Variants in CCDC171 observed in about 807,000 individuals in gnomAD.
CCDC171 encodes coiled-coil domain-containing protein 171.
Under a neutral mutation model 168.2 loss-of-function variants are expected in CCDC171, and 177 were observed. The observed-to-expected ratio is 1.05, with a 90% CI of 0.93 to 1.19. The LOEUF (loss-of-function observed/expected upper bound fraction) is 1.19, where lower values mean the gene tolerates loss of function less well. CCDC171 is among the 50% of genes most tolerant of loss of function. The probability of loss-of-function intolerance (pLI) is 0.00; values close to 1 mark genes in which losing one functional copy is unlikely to be tolerated. For synonymous variants in CCDC171, 687 were observed against 540.8 expected (o/e 1.27, Z -3.75); for missense variants, 1,991 against 1,539.0 (o/e 1.29, Z -4.91).
rs150311852 is a variant in CCDC171, at chr9:15,994,591, A to G, written n.369-25998A>G. 1.9e-4 allele frequency among the ~76,000 whole-genome samples: 29 copies of G among 152,308 alleles called. 4 individuals are homozygous for G. Among genetic ancestry groups the G allele is most frequent in the African/African-American group, 6.5e-4 (27 of 41,550 alleles). The stretch of plus-strand genomic sequence containing the variant: ...CTAGAACTTAAAGTATATATAAAAA[A>G]AAGTTTCTCTTAGATTTTATAAATG... On this transcript the variant is annotated intron_variant and non_coding_transcript_variant, in intron 3 of 9. Transcript: ENST00000486641.
chr9:16,025,991 CAA>C (rs1454160181), intron 6 of CCDC171, among the ~76,000 whole-genome samples: 1 of 152,186 alleles, frequency 6.6e-6, no homozygotes, highest in Non-Finnish European at 1.5e-5. Context: ...CAGTCCCAGG[CAA>C]AGTGGGATGA....
intron 13 of CCDC171, among the ~76,000 whole-genome samples, chr9:15,724,013 A>G (rs1397016389): frequency 6.6e-6 from 1 of 152,222 alleles, no homozygotes; most frequent in Non-Finnish European, 1.5e-5. Context: ...TGAGATTCAA[A>G]TAATTATTTA....
At chr9:15,990,253 A>C (rs1832142690) in intron 3 of CCDC171, among the ~76,000 whole-genome samples, 1 of 151,842 alleles carries the variant, frequency 6.6e-6, no homozygotes, top group South Asian at 2.1e-4. Context: ...TACAAGCCAG[A>C]AGAGAAGTGG....
At chr9:16,013,568 C>T (rs1832933838) in intron 3 of CCDC171, among the ~76,000 whole-genome samples, 1 of 152,180 alleles carries the variant, frequency 6.6e-6, no homozygotes, top group African/African-American at 2.4e-5. Context: ...GCTCCAATGC[C>T]TACGGGGCAA....
intron 6 of CCDC171, among the ~76,000 whole-genome samples, chr9:15,596,303 T>C (rs1184260417): frequency 1.3e-5 from 2 of 152,128 alleles, no homozygotes; most frequent in East Asian, 1.9e-4. Flanking sequence ...CTTTAATCCA[T>C]CTTGAATTAA....
At chr9:16,019,348 T>G (rs1833104146) in intron 3 of CCDC171, among the ~76,000 whole-genome samples, 1 of 152,188 alleles carries the variant, frequency 6.6e-6, no homozygotes, top group Non-Finnish European at 1.5e-5. Flanking sequence ...CTGGTAAAAG[T>G]AAATTGTATG....
intron 3 of CCDC171, among the ~76,000 whole-genome samples, chr9:15,573,453 T>C (rs1290844786): frequency 6.6e-6 from 1 of 151,932 alleles, no homozygotes; most frequent in Non-Finnish European, 1.5e-5. Context: ...GGCTAATTTT[T>C]GTATTTTTAG....
rs558719432 is a variant in CCDC171, at chr9:15,579,553, T to A, written c.352+530T>A. 1.2e-3 allele frequency among the ~76,000 whole-genome samples: 180 copies of A among 152,330 alleles called. 1 individual carries two copies. The highest frequency in any genetic ancestry group is 3.6e-3 in the African/African-American group (148 of 41,576). ...TTGGACTTAAATAAAGCCTTTCTATTTACATATAATATATAAAAATAAATG... is the reference window on the plus strand; with the variant it reads ...TTGGACTTAAATAAAGCCTTTCTATATACATATAATATATAAAAATAAATG... On this transcript the variant is annotated intron_variant, in intron 4 of 25. Coordinates refer to ENST00000380701, the MANE Select transcript of CCDC171 (RefSeq NM_173550.4).
intron 25 of CCDC171, among the ~76,000 whole-genome samples, chr9:15,951,047 AG>A (rs933226405): frequency 2.8e-4 from 42 of 149,332 alleles, no homozygotes; most frequent in African/African-American, 9.2e-4. Flanking sequence ...ATAATGGTAA[AG>A]GGATCAATTC....
At chr9:15,598,129 T>C (rs1242593401) in intron 6 of CCDC171, among the ~76,000 whole-genome samples, 1 of 152,160 alleles carries the variant, frequency 6.6e-6, no homozygotes, top group Admixed American at 6.6e-5. Context: ...TTTGAAGGGT[T>C]TTTTGTGTCT....
intron 21 of CCDC171, among the ~76,000 whole-genome samples, chr9:15,789,184 GAC>G (rs1405072339): frequency 6.6e-6 from 1 of 152,086 alleles, no homozygotes; most frequent in Non-Finnish European, 1.5e-5. Context: ...GCACTGACAT[GAC>G]ACTCAAAGTA....
intron 1 of CCDC171, among the ~76,000 whole-genome samples, chr9:16,052,639 G>T (rs1233022594): frequency 6.6e-6 from 1 of 152,046 alleles, no homozygotes; most frequent in Admixed American, 6.5e-5. Flanking sequence ...AGTTAATCAT[G>T]GGCCTCCCCA....
At chr9:16,033,588 G>A (rs986523029) in intron 6 of CCDC171, among the ~76,000 whole-genome samples, 3 of 152,212 alleles carry the variant, frequency 2.0e-5, no homozygotes, top group African/African-American at 7.2e-5. Flanking sequence ...ATTATGGTGA[G>A]TTGTATAATT....
At chr9:15,731,029 G>C (rs1240932757) in intron 16 of CCDC171, among the ~76,000 whole-genome samples, 2 of 152,026 alleles carry the variant, frequency 1.3e-5, no homozygotes, top group Admixed American at 6.6e-5. Flanking sequence ...GCCAGAGTAA[G>C]ATATCTATCA....
intron 1 of CCDC171, among the ~76,000 whole-genome samples, chr9:16,056,405 T>C (rs1564138218): frequency 6.6e-6 from 1 of 152,228 alleles, no homozygotes; most frequent in Admixed American, 6.5e-5. Context: ...TACTAAGTAA[T>C]TGTTAATTTA....
chr9:15,591,178 T>A (rs1174414087), intron 4 of CCDC171, among the ~76,000 whole-genome samples, 188 bp from the exon 5 acceptor site: 2 of 152,154 alleles, frequency 1.3e-5, no homozygotes, highest in Non-Finnish European at 2.9e-5. Flanking sequence ...TAGATTGATT[T>A]AGAGACTGTG....
At chr9:15,792,675 T>C (rs1284776104) in intron 21 of CCDC171, among the ~76,000 whole-genome samples, 1 of 152,080 alleles carries the variant, frequency 6.6e-6, no homozygotes, top group East Asian at 1.9e-4. Context: ...TATTCAACAT[T>C]CTTAAAGAAA....
chr9:15,751,780 A>G (rs538138186), intron 18 of CCDC171, among the ~76,000 whole-genome samples: 27 of 152,298 alleles, frequency 1.8e-4, no homozygotes, highest in African/African-American at 5.3e-4. Context: ...AAAGACTTAA[A>G]TGTAAGACCT....
intron 2 of CCDC171, among the ~76,000 whole-genome samples, chr9:15,567,762 T>C (rs559100499): frequency 1.3e-5 from 2 of 151,996 alleles, no homozygotes; most frequent in East Asian, 3.9e-4. Context: ...CAAGTGACCC[T>C]CCTGCCTCAG....
Sources: gnomAD v4.1 joint callset for allele counts (sites outside exome capture counted in the v4.1 genomes callset) on GRCh38, gnomAD v4.1.1 for gene constraint, MANE v1.5 for transcripts, NCBI Gene and HGNC (gene_info 2026-07-23, HGNC 2026-07-21) for gene names.